The following ZNF600 variants were observed in gnomAD, a reference collection of about 807,000 sequenced individuals.
ZNF600 encodes zinc finger protein KR-ZNF1.
A neutral mutation model predicts 7.3 loss-of-function variants in ZNF600; 4 were observed. The observed-to-expected ratio is 0.55, with a 90% CI of 0.27 to 1.25. The LOEUF is 1.25. Ranked by LOEUF, ZNF600 falls within the 50% of genes most tolerant of loss-of-function variation. The pLI is 0.12. For missense variants in ZNF600, 911 were observed against 922.1 expected, an observed-to-expected ratio of 0.99 and a Z score of 0.16; for synonymous variants, 290 against 308.9, an observed-to-expected ratio of 0.94 and a Z score of 0.64.
the ZNF600 span, chr19:52,808,045 T>A: frequency 6.2e-7 from 1 of 1,613,466 alleles, no homozygotes; most frequent in East Asian, 2.2e-5. Context: ...CAGCATCACA[T>A]CCCTGTAAAG....
At chr19:52,808,279 T>A in the ZNF600 span, 1 of 1,461,614 alleles carries the variant, frequency 6.8e-7, no homozygotes, top group African/African-American at 1.4e-5. Context: ...CATGATGTTT[T>A]TATTATACTT....
chr19:52,791,406 T>C (rs2062790562), upstream of ZNF600, among the ~76,000 whole-genome samples: 2 of 152,214 alleles, frequency 1.3e-5, no homozygotes, highest in South Asian at 4.1e-4. Context: ...TCAGACAAGA[T>C]GCTTCAGACT....
upstream of ZNF600, among the ~76,000 whole-genome samples, chr19:52,787,043 G>T (rs929628869): frequency 6.6e-6 from 1 of 152,266 alleles, no homozygotes; most frequent in Non-Finnish European, 1.5e-5. Context: ...GCAAAGCCCT[G>T]CCAGGGCGGA....
upstream of ZNF600, among the ~76,000 whole-genome samples, chr19:52,789,857 A>T (rs1295749786): frequency 3.3e-5 from 5 of 152,326 alleles, no homozygotes; most frequent in Admixed American, 2.6e-4. Context: ...AGGCGGGCTG[A>T]GTCCAAAAAG....
chr19:52,773,095 T>C (rs1600383279), intron 3 of ZNF600, among the ~76,000 whole-genome samples: 1 of 151,968 alleles, frequency 6.6e-6, no homozygotes, highest in South Asian at 2.1e-4. Context: ...AATAGGCTGG[T>C]ATTTGCATCC....
chr19:52,810,668 G>A, the ZNF600 span: 3 of 990,502 alleles, frequency 3.0e-6, no homozygotes, highest in Non-Finnish European at 1.6e-6. Context: ...CGCGTCTACA[G>A]GGGCCGGGCT....
chr19:52,779,198 C>T (rs1170808903), intron 1 of ZNF600, among the ~76,000 whole-genome samples: 1 of 152,156 alleles, frequency 6.6e-6, no homozygotes, highest in South Asian at 2.1e-4. Flanking sequence ...TTCATCAATC[C>T]CCATCCAGAG....
the ZNF600 span, among the ~76,000 whole-genome samples, chr19:52,814,660 G>A: frequency 6.9e-6 from 1 of 145,806 alleles, no homozygotes. Flanking sequence ...GCTGAGGTGG[G>A]CAGATCACGA....
At chr19:52,807,660 A>T in the ZNF600 span, among the ~76,000 whole-genome samples, 1 of 152,220 alleles carries the variant, frequency 6.6e-6, no homozygotes, top group Non-Finnish European at 1.5e-5. Flanking sequence ...TTTTTAGTAC[A>T]GACAGGGTTT....
chr19:52,774,474 G>A lies in ZNF600; in HGVS notation c.190+101C>T, dbSNP rs878896810. 1,210 of 713,912 alleles carry A rather than the reference G, an allele frequency of 1.7e-3. 11 individuals carry two copies. The African/African-American group carries it at 0.043, about 26-fold the overall frequency. The allele number at this position is 713,912 out of a possible 1,614,324, so 44.2% of individuals were successfully genotyped here. A position where few individuals can be genotyped will look rare whatever the true frequency, so the allele number is the denominator to read the frequency against. ...AAAAACAACCAAAAAAAAAAAAAAA[G>A]CCATGCATGGGGCAAAATCACAAAA... On this transcript the variant is annotated intron_variant, in intron 3 of 3. Coordinates refer to ENST00000648973, the Ensembl canonical transcript of ZNF600.
chr19:52,769,011 G>T (rs951527336), intron 3 of ZNF600, among the ~76,000 whole-genome samples: 2 of 152,196 alleles, frequency 1.3e-5, no homozygotes, highest in Non-Finnish European at 2.9e-5. Context: ...AAGAGTGCGA[G>T]CCTTCTGTTA....
chr19:52,806,893 C>A, the ZNF600 span, among the ~76,000 whole-genome samples: 1 of 152,032 alleles, frequency 6.6e-6, no homozygotes, highest in Non-Finnish European at 1.5e-5. Flanking sequence ...CAGAGTGAGA[C>A]TCTGTCATAA....
chr19:52,803,411 G>A, the ZNF600 span, among the ~76,000 whole-genome samples: 1 of 152,142 alleles, frequency 6.6e-6, no homozygotes, highest in Non-Finnish European at 1.5e-5. Flanking sequence ...GGGAGTGTCA[G>A]TTATATTGCA....
At chr19:52,790,062 A>C (rs2062787428), upstream of ZNF600, among the ~76,000 whole-genome samples, 1 of 152,164 alleles carries the variant, frequency 6.6e-6, no homozygotes, top group Non-Finnish European at 1.5e-5. Flanking sequence ...TAAGGCAAGG[A>C]CCGGCCATTT....
the ZNF600 span, chr19:52,810,852 T>A: frequency 4.4e-4 from 49 of 110,854 alleles, 1 homozygote; most frequent in Non-Finnish European, 3.2e-4. Context: ...CCTCTCCCTC[T>A]CCCTCTCCCC....
chr19:52,777,794 A>G lies in ZNF600; in HGVS notation c.63+1032T>C, dbSNP rs1445329273. Among the ~76,000 whole-genome samples the G allele has an allele frequency of 2.6e-5, 4 of 151,820 alleles. No homozygotes were observed. In the East Asian group the frequency reaches 7.8e-4, roughly 29 times the overall value. On this transcript the variant is annotated intron_variant, in intron 2 of 3. Transcript: ENST00000648973. ...CAGTGAGCCGAGATCATTCCATTGC[A>G]CTCCACCTTTGGGGACTGAGCGAGA...
the ZNF600 span, among the ~76,000 whole-genome samples, chr19:52,812,356 G>T: frequency 7.1e-6 from 1 of 141,474 alleles, no homozygotes; most frequent in Non-Finnish European, 1.5e-5. Flanking sequence ...TTGAGAAATC[G>T]GATGATTGCC....
upstream of ZNF600, among the ~76,000 whole-genome samples, chr19:52,787,597 A>C (rs541602801): frequency 6.6e-6 from 1 of 150,702 alleles, no homozygotes; most frequent in Non-Finnish European, 1.5e-5. Flanking sequence ...GCTGGCTCAC[A>C]CCTGTAATCT....
chr19:52,790,070 T>G (rs1277637154), upstream of ZNF600, among the ~76,000 whole-genome samples: 6 of 152,134 alleles, frequency 3.9e-5, no homozygotes, highest in Middle Eastern at 3.2e-3. Context: ...GGACCGGCCA[T>G]TTACACTTCT....
Sources: gnomAD v4.1 joint callset for allele counts (sites outside exome capture counted in the v4.1 genomes callset) on GRCh38, gnomAD v4.1.1 for gene constraint, MANE v1.5 for transcripts, NCBI Gene and HGNC (gene_info 2026-07-23, HGNC 2026-07-21) for gene names.